HERC5: variants seen among roughly 807,000 people sequenced by gnomAD.
The protein encoded by HERC5 is E3 ISG15--protein ligase HERC5.
A neutral mutation model predicts 119.6 loss-of-function variants in HERC5; 99 were observed. The observed-to-expected ratio is 0.83, with a 90% CI of 0.70 to 0.98. The LOEUF is 0.98. HERC5 is among the 50% of genes least tolerant of loss of function. HERC5 has a pLI of 0.00. For missense variants in HERC5, 1,267 were observed against 1,241.3 expected, an observed-to-expected ratio of 1.02 and a Z score of -0.31; for synonymous variants, 478 against 445.9, an observed-to-expected ratio of 1.07 and a Z score of -0.91.
In HERC5 at chr4:88,467,096, G is replaced by A; in HGVS notation, c.949G>A (p.Val317Ile). Residue 317 changes from valine to isoleucine, a missense_variant, in exon 7 of 23, where the codon GTC (valine) becomes ATC (isoleucine). Around this residue, in one of 3 missense-constraint regions of HERC5, gnomAD observed 777 missense variants for 758.0 expected, o/e 1.03. Transcript: ENST00000264350. ...TLAYVSDLGK[V>I]FSFGSGKDGQ... ...TGCCTATGTTTCTGATTTGGGAAAG[G>A]TCTTTTCCTTTGGTTCTGGAAAAGA... 4 of 1,614,114 alleles carry A rather than the reference G, an allele frequency of 2.5e-6. No individual in the cohort carries two copies. Among genetic ancestry groups the A allele is most frequent in the Middle Eastern group, 1.6e-4 (1 of 6,062 alleles).
At chr4:88,457,793 C>A in intron 1 of HERC5, 1 of 694,228 alleles carries the variant, frequency 1.4e-6, no homozygotes, top group Non-Finnish European at 2.0e-6. Context: ...GGCATGCGGG[C>A]ACCGTCTTCA....
chr4:88,480,789 A>C (rs1031115884), intron 13 of HERC5, among the ~76,000 whole-genome samples: 1 of 152,140 alleles, frequency 6.6e-6, no homozygotes, highest in Non-Finnish European at 1.5e-5. Flanking sequence ...TCATGTTTGT[A>C]ATTGCAATAT....
rs1418129000 is a variant in HERC5 at position 88,474,496 on chromosome 4, C to T, written c.1393-1345C>T. 8.5e-5 allele frequency among the ~76,000 whole-genome samples: 13 copies of T among 152,212 alleles called. No homozygotes were observed. The South Asian group carries it at 2.5e-3, about 29-fold the overall frequency. On this transcript the variant is annotated intron_variant, in intron 11 of 22. Transcript: ENST00000264350. ...TGATGATGAGCAAGGAGGTAGAATG[C>T]GTGTGTACTAATAAGATGTTGAAAT...
At chr4:88,486,637 G>A (rs372362742) in intron 14 of HERC5, among the ~76,000 whole-genome samples, 6 of 152,170 alleles carry the variant, frequency 3.9e-5, no homozygotes, top group African/African-American at 1.2e-4. Context: ...TGCCAAGGTA[G>A]CAGTTGACCC....
intron 6 of HERC5, among the ~76,000 whole-genome samples, chr4:88,464,661 T>A (rs1167037460): frequency 1.3e-5 from 2 of 152,166 alleles, no homozygotes; most frequent in East Asian, 1.9e-4. Context: ...CAATCTCAGC[T>A]CACTGCAACC....
chr4:88,476,812 T>TCGGGAGGCTGAGG (rs1197197708), intron 12 of HERC5, among the ~76,000 whole-genome samples: 2 of 151,588 alleles, frequency 1.3e-5, no homozygotes, highest in Non-Finnish European at 2.9e-5. Context: ...TCCCAGCTAC[T>TCGGGAGGCTGAGG]CGGGAGGCTG....
At chr4:88,501,879 A>G (rs553263195) in intron 20 of HERC5, among the ~76,000 whole-genome samples, 48 of 152,100 alleles carry the variant, frequency 3.2e-4, no homozygotes, top group African/African-American at 1.1e-3. Context: ...GCTCACTGCA[A>G]CCTCCGCCTC....
chr4:88,486,748 T>C (rs933886462), intron 14 of HERC5, among the ~76,000 whole-genome samples: 3 of 152,236 alleles, frequency 2.0e-5, no homozygotes, highest in African/African-American at 7.2e-5. Context: ...ACCCATGTTA[T>C]ATCATTCTCC....
rs1560612404 is a variant in HERC5 at position 88,493,017 on chromosome 4, A to G, written c.2139A>G (p.Ser713=). 6.2e-7 allele frequency: 1 copy of G among 1,613,720 alleles called. No individual in the cohort carries two copies. Among genetic ancestry groups the G allele is most frequent in the Admixed American group, 1.7e-5 (1 of 59,986 alleles). The change falls in exon 17 of 23, where the codon TCA becomes TCG. Residue 713 remains serine (S), a synonymous_variant. Transcript: ENST00000264350. ...TATTTGCTCTGTTTCCTCAGGTTTC[A>G]TTTAGTGGAGAAATTGGGTATGACC... ...NEDLRKELWV[S]FSGEIGYDLG...
intron 18 of HERC5, 133 bp downstream of exon 18, chr4:88,494,464 A>T: frequency 1.3e-6 from 1 of 745,380 alleles, no homozygotes; most frequent in Non-Finnish European, 2.2e-6. Context: ...TTTAACTTTG[A>T]CAAGAATTGT....
At chr4:88,469,349 A>G in intron 9 of HERC5, 89 bp downstream of exon 9, 1 of 855,308 alleles carries the variant, frequency 1.2e-6, no homozygotes, top group Non-Finnish European at 2.0e-6. Flanking sequence ...GAGATTTTGT[A>G]GTCAGGGTTT....
At position 88,489,281 on chromosome 4, in the gene HERC5, ATGT is replaced by A; in HGVS notation, c.2080_2082del (p.Val694del). ...GTCAGAAGGAATCACTTGATTGAGG[ATGT>A]TTTGAATCAGCTAAGTCAATTTGAG... On this transcript the variant is annotated inframe_deletion, in exon 16 of 23. Coordinates refer to ENST00000264350, the MANE Select transcript of HERC5 (RefSeq NM_016323.4). 6.2e-7 allele frequency: 1 copy of A among 1,614,018 alleles called. No individual in the cohort carries two copies. The highest frequency in any genetic ancestry group is 8.5e-7 in the Non-Finnish European group (1 of 1,179,936).
intron 12 of HERC5, among the ~76,000 whole-genome samples, chr4:88,478,360 G>A (rs558031272): frequency 2.0e-5 from 3 of 152,012 alleles, no homozygotes; most frequent in South Asian, 2.1e-4. Flanking sequence ...GTAAAATTAC[G>A]TGATAATTAT....
At chr4:88,463,751 C>G (rs1740536081) in intron 5 of HERC5, 104 bp from the exon 6 acceptor site, 1 of 1,426,956 alleles carries the variant, frequency 7.0e-7, no homozygotes. Context: ...TATTTAGGAG[C>G]TTTACTTTGA....
At position 88,484,060 on chromosome 4, in the gene HERC5, C is replaced by T. The variant is rs1297333130; in HGVS notation, c.1738-2055C>T. On this transcript the variant is annotated intron_variant, in intron 13 of 22. Coordinates refer to ENST00000264350, the MANE Select transcript of HERC5 (RefSeq NM_016323.4). ...CTGGATGGTATTTCTTCAGCCCTAT[C>T]TTCCAGTTCATGAATTCTCTTTTCA... Among the ~76,000 whole-genome samples the T allele has an allele frequency of 4.6e-5, 7 of 152,304 alleles. No individual in the cohort carries two copies. The East Asian group carries it at 1.4e-3, about 29-fold the overall frequency.
At chr4:88,505,566 T>A in intron 22 of HERC5, 107 bp from the exon 23 acceptor site, 1 of 665,942 alleles carries the variant, frequency 1.5e-6, no homozygotes, top group Non-Finnish European at 2.6e-6. Context: ...TGTAGGACAC[T>A]GCACATGGGC....
Position 88,457,202 on chromosome 4 carries a change from G to A in HERC5, c.-68G>A, listed in dbSNP as rs908217985. The A allele has an allele frequency of 3.2e-6, 4 of 1,244,574 alleles. No individual in the cohort carries two copies. Among genetic ancestry groups the A allele is most frequent in the South Asian group, 3.2e-5 (1 of 30,838 alleles). The allele number at this position is 1,244,574 out of a possible 1,614,324, so 77.1% of individuals were successfully genotyped here. Reference sequence around the variant, plus strand: ...TGCAGCGCAACGCCTGAGGCAGTGGGCGCGCTCAGTCCCGGGACCAGGCGT... The same window carrying A: ...TGCAGCGCAACGCCTGAGGCAGTGGACGCGCTCAGTCCCGGGACCAGGCGT... On this transcript the variant is annotated 5_prime_UTR_variant, in exon 1 of 23. Transcript: ENST00000264350.
intron 13 of HERC5, among the ~76,000 whole-genome samples, chr4:88,481,583 A>G (rs1196977831): frequency 6.6e-6 from 1 of 152,060 alleles, no homozygotes; most frequent in Non-Finnish European, 1.5e-5. Context: ...TTCTCCCATA[A>G]AGGTTTTAAA....
chr4:88,500,796 G>T lies in HERC5; in HGVS notation c.2512-119G>T. ...TTGTACATTCCTTGCTAGCTTTTAT[G>T]ACAAAAATGTACATTTTAACACATT... On this transcript the variant is annotated intron_variant, in intron 19 of 22. Coordinates refer to ENST00000264350, the MANE Select transcript of HERC5 (RefSeq NM_016323.4). 3 of 758,318 alleles carry T rather than the reference G, an allele frequency of 4.0e-6. No individual in the cohort carries two copies. The South Asian group carries it at 6.1e-5, about 15-fold the overall frequency. The allele number at this position is 758,318 out of a possible 1,614,324, so 47.0% of individuals were successfully genotyped here. A position where few individuals can be genotyped will look rare whatever the true frequency, so the allele number is the denominator to read the frequency against.
Sources: gnomAD v4.1 joint callset for allele counts (sites outside exome capture counted in the v4.1 genomes callset) on GRCh38, gnomAD v4.1.1 for gene constraint, gnomAD v4.1.1 regional missense constraint, MANE v1.5 for transcripts, NCBI Gene and HGNC (gene_info 2026-07-23, HGNC 2026-07-21) for gene names.